Variants in B3GNT3 observed in about 807,000 individuals in gnomAD.
B3GNT3 encodes the protein UDP-GlcNAc:betaGal beta-1,3-N-acetylglucosaminyltransferase 3.
Under a neutral mutation model 11.6 loss-of-function variants are expected in B3GNT3, and 7 were observed. The observed-to-expected ratio is 0.60, with a 90% CI of 0.34 to 1.13. The LOEUF (loss-of-function observed/expected upper bound fraction) is 1.13. Ranked by LOEUF, B3GNT3 falls within the 50% of genes most tolerant of loss-of-function variation. B3GNT3 has a pLI of 0.03. For missense variants in B3GNT3, 400 were observed against 507.4 expected (o/e 0.79, Z 2.03); for synonymous variants, 201 against 222.1 (o/e 0.90, Z 0.85).
intron 1 of B3GNT3, among the ~76,000 whole-genome samples, chr19:17,797,997 T>C (rs2094161427): frequency 6.6e-6 from 1 of 152,206 alleles, no homozygotes. Context: ...CTCAGTCGGC[T>C]GTGTGACCTT....
At chr19:17,797,242 G>T (rs2094160458) in intron 1 of B3GNT3, among the ~76,000 whole-genome samples, 1 of 152,148 alleles carries the variant, frequency 6.6e-6, no homozygotes, top group Non-Finnish European at 1.5e-5. Context: ...AGCTCATTAT[G>T]TTATCATTTA....
At position 17,807,960 on chromosome 19, in the gene B3GNT3, T is replaced by TCCCGCCCC; in HGVS notation, c.155_156insCGCCCCCC (p.Pro53AlafsTer63). 35 of 1,609,502 alleles carry TCCCGCCCC rather than the reference T, an allele frequency of 2.2e-5. No homozygotes were observed. Among genetic ancestry groups the TCCCGCCCC allele is most frequent in the Non-Finnish European group, 3.0e-5 (35 of 1,178,086 alleles). On this transcript the variant is annotated frameshift_variant, in exon 2 of 3. Transcript: ENST00000318683. LOFTEE classifies it high-confidence loss of function. ...TCCCCGAGGCCCTGGCCTGGCCCAC[T>TCCCGCCCC]CCACCCACCCGCCCAGCCCCGGCCC...
intron 1 of B3GNT3, among the ~76,000 whole-genome samples, chr19:17,805,994 G>A (rs1042871358): frequency 2.0e-5 from 3 of 150,384 alleles, no homozygotes; most frequent in African/African-American, 7.4e-5. Flanking sequence ...TTGAGACAGA[G>A]TCTTTCTCTG....
intron 1 of B3GNT3, among the ~76,000 whole-genome samples, chr19:17,798,670 C>CA (rs60188630): frequency 0.01 from 1,436 of 140,636 alleles, 12 homozygotes; most frequent in Middle Eastern, 0.036. Context: ...GGCTCTGTCT[C>CA]AAAAAAAAAA....
At chr19:17,804,422 T>A (rs2147649674) in intron 1 of B3GNT3, among the ~76,000 whole-genome samples, 1 of 150,718 alleles carries the variant, frequency 6.6e-6, no homozygotes, top group Admixed American at 6.7e-5. Context: ...GTATTTTTAG[T>A]AGAGATGGGG....
rs114463415 is a variant in B3GNT3 at position 17,811,960 on chromosome 19, G to A, written c.957G>A (p.Thr319=). Reference sequence around the variant, plus strand: ...CTGCCTCCCACAGCGGCATCCGCACGTCTGGCGTGCGGGCTCCATCGCAAC... The same window carrying A: ...CTGCCTCCCACAGCGGCATCCGCACATCTGGCGTGCGGGCTCCATCGCAAC... The part of the protein sequence containing the change: ...LKPASHSGIR[T]SGVRAPSQRL... The change falls in exon 3 of 3, where the codon ACG becomes ACA. Residue 319 remains threonine (T), a synonymous_variant. Coordinates refer to ENST00000318683, the MANE Select transcript of B3GNT3 (RefSeq NM_014256.4). This position sits in a 1 kb window ranked among gnomAD's most constrained non-coding sequence, Gnocchi z 4.1. 1.0e-3 allele frequency: 1,663 copies of A among 1,609,668 alleles called. 10 individuals are homozygous for A. In the African/African-American group the frequency reaches 0.017, roughly 17 times the overall value.
chr19:17,804,413 T>C (rs138674299), intron 1 of B3GNT3, among the ~76,000 whole-genome samples: 7 of 150,714 alleles, frequency 4.6e-5, no homozygotes, highest in African/African-American at 1.7e-4. Context: ...GTAATTTTTG[T>C]ATTTTTAGTA....
intron 1 of B3GNT3, among the ~76,000 whole-genome samples, chr19:17,806,496 C>T (rs2147651266): frequency 6.6e-6 from 1 of 152,148 alleles, no homozygotes; most frequent in South Asian, 2.1e-4. Context: ...TGTCTGTGCC[C>T]CAGGTGGCCG....
chr19:17,806,558 T>C (rs1160573631), intron 1 of B3GNT3, among the ~76,000 whole-genome samples: 1 of 152,074 alleles, frequency 6.6e-6, no homozygotes, highest in African/African-American at 2.4e-5. Flanking sequence ...CATGACGCAG[T>C]CCCTTGTGAC....
chr19:17,807,944 C>G lies in B3GNT3; in HGVS notation c.137C>G (p.Ala46Gly), dbSNP rs2094175370. ...VQEQPPAIPE[A>G]LAWPTPPTRP... is the part of the protein sequence containing the mutation. ...GAGCAGCCACCGGCGATCCCCGAGG[C>G]CCTGGCCTGGCCCACTCCACCCACC... The change falls in exon 2 of 3, where the codon GCC becomes GGC. Residue 46 changes from alanine to glycine, a missense_variant. Coordinates refer to ENST00000318683, the MANE Select transcript of B3GNT3 (RefSeq NM_014256.4). The G allele has an allele frequency of 3.1e-6, 5 of 1,613,274 alleles. 1 individual carries two copies. The South Asian group carries it at 5.5e-5, about 18-fold the overall frequency.
At chr19:17,805,311 C>T (rs535208199) in intron 1 of B3GNT3, among the ~76,000 whole-genome samples, 127 of 152,116 alleles carry the variant, frequency 8.3e-4, no homozygotes, top group Non-Finnish European at 8.8e-4. Context: ...GTTGCCCAGG[C>T]TGGTCTCAAA....
At chr19:17,804,078 A>G (rs1158205587) in intron 1 of B3GNT3, among the ~76,000 whole-genome samples, 1 of 152,008 alleles carries the variant, frequency 6.6e-6, no homozygotes, top group Non-Finnish European at 1.5e-5. Context: ...TCACCTGGAT[A>G]CCAGACTGAG....
chr19:17,811,508 T>C lies in B3GNT3; in HGVS notation c.568-63T>C, dbSNP rs1599851142. The C allele has an allele frequency of 4.0e-6, 6 of 1,509,386 alleles. No individual in the cohort carries two copies. Among genetic ancestry groups the C allele is most frequent in the Non-Finnish European group, 4.5e-6 (5 of 1,120,918 alleles). The allele number at this position is 1,509,386 out of a possible 1,614,324, so 93.5% of individuals were successfully genotyped here. On this transcript the variant is annotated intron_variant, in intron 2 of 2. Coordinates refer to ENST00000318683, the MANE Select transcript of B3GNT3 (RefSeq NM_014256.4). The surrounding 1 kb of genome is among the most constrained non-coding windows in gnomAD (Gnocchi z 4.1). ...GGGCTTAGTGGGCTGGAGTGGCTAATAGAGACCCAAGGCCAATTTCTCCAG... is the reference window on the plus strand; with the variant it reads ...GGGCTTAGTGGGCTGGAGTGGCTAACAGAGACCCAAGGCCAATTTCTCCAG...
At chr19:17,807,005 A>G (rs889791909) in intron 1 of B3GNT3, among the ~76,000 whole-genome samples, 4 of 151,254 alleles carry the variant, frequency 2.6e-5, no homozygotes, top group Non-Finnish European at 5.9e-5. Context: ...AAGTGGGAAT[A>G]GCTGGGGAAT....
Position 17,811,778 on chromosome 19 carries a change from A to T in B3GNT3, c.775A>T (p.Thr259Ser). The T allele has an allele frequency of 6.2e-7, 1 of 1,614,188 alleles. No individual in the cohort carries two copies. Among genetic ancestry groups the T allele is most frequent in the Non-Finnish European group, 8.5e-7 (1 of 1,180,032 alleles). Residue 259 changes from threonine (T) to serine (S), a missense_variant, in exon 3 of 3, where the codon ACT becomes TCT. By Grantham distance (58) the Thr-to-Ser change is moderately conservative. Transcript: ENST00000318683. This position sits in a 1 kb window ranked among gnomAD's most constrained non-coding sequence, Gnocchi z 4.1. ...CAAGTACTATGTGCCAGAGGTGGTG[A>T]CTCAGAATGAGCGGTACCCACCCTA... The part of the protein sequence containing the change: ...WSKYYVPEVV[T>S]QNERYPPYCG...
At position 17,808,167 on chromosome 19, in the gene B3GNT3, T is replaced by A; in HGVS notation, c.360T>A (p.Tyr120Ter). 6.2e-7 allele frequency: 1 copy of A among 1,611,652 alleles called. No individual in the cohort carries two copies. Among genetic ancestry groups the A allele is most frequent in the Admixed American group, 1.7e-5 (1 of 59,880 alleles). Residue 120 changes from tyrosine to a stop codon, truncating the protein, a stop_gained, in exon 2 of 3, where the codon TAT becomes TAA. Transcript: ENST00000318683. LOFTEE classifies it high-confidence loss of function. ...TGATCAAGTCCTCCCCTAGCAACTA[T>A]GTGCGCCGCGAGCTGCTGCGGCGCA... The part of the protein sequence containing the change: ...LLVIKSSPSN[Y>*]VRRELLRRTW...
In B3GNT3 at chr19:17,811,623, T is replaced by A. The variant is rs1267480540; in HGVS notation, c.620T>A (p.Leu207His). 1 of 1,614,110 alleles carries A rather than the reference T, an allele frequency of 6.2e-7. No individual in the cohort carries two copies. The highest frequency in any genetic ancestry group is 2.2e-5 in the East Asian group (1 of 44,892). Residue 207 changes from leucine to histidine, a missense_variant, in exon 3 of 3, where the codon CTC becomes CAC. Physicochemically the swap from Leu to His is moderately conservative, Grantham distance 99 (BLOSUM62 -3). Coordinates refer to ENST00000318683, the MANE Select transcript of B3GNT3 (RefSeq NM_014256.4). The surrounding 1 kb of genome is among the most constrained non-coding windows in gnomAD (Gnocchi z 4.1). ...ETRCANASFVLNGDDDVFAHT... is the reference protein window; with the variant it reads ...ETRCANASFVHNGDDDVFAHT... ...AGGTGCGCCAACGCCAGCTTCGTGCTCAACGGGGATGATGACGTCTTTGCA... is the reference window on the plus strand; with the variant it reads ...AGGTGCGCCAACGCCAGCTTCGTGCACAACGGGGATGATGACGTCTTTGCA...
At chr19:17,803,009 A>G (rs972732448) in intron 1 of B3GNT3, among the ~76,000 whole-genome samples, 2 of 146,404 alleles carry the variant, frequency 1.4e-5, no homozygotes, top group African/African-American at 2.5e-5. Context: ...GTGTTAAAGG[A>G]TTTTTTTTTT....
In B3GNT3 at chr19:17,811,463, T is replaced by C; in HGVS notation, c.568-108T>C. ...GGGCAGGGCCTTAACCCAGGCTGGA[T>C]TGTGGACACTTCCTTTCCTGGGCTT... On this transcript the variant is annotated intron_variant, in intron 2 of 2. Transcript: ENST00000318683. This position sits in a 1 kb window ranked among gnomAD's most constrained non-coding sequence, Gnocchi z 4.1. The C allele has an allele frequency of 4.3e-6, 5 of 1,170,184 alleles. No homozygotes were observed. The highest frequency in any genetic ancestry group is 5.9e-6 in the Non-Finnish European group (5 of 845,528). The allele number at this position is 1,170,184 out of a possible 1,614,324, so 72.5% of individuals were successfully genotyped here. A position where few individuals can be genotyped will look rare whatever the true frequency, so the allele number is the denominator to read the frequency against.
Sources: allele counts gnomAD v4.1 joint callset (sites outside exome capture counted in the v4.1 genomes callset), GRCh38; gene constraint gnomAD v4.1.1; non-coding constraint Gnocchi (gnomAD v3.1); transcripts MANE v1.5; gene names NCBI Gene and HGNC (gene_info 2026-07-23, HGNC 2026-07-21).